DMD: variants seen among roughly 807,000 people sequenced by gnomAD.
DMD encodes the protein dystrophin, also known as mutant dystrophin.
In DMD, 63 loss-of-function variants were observed where a neutral mutation model predicts 330.1. That is an observed-to-expected ratio of 0.19 (90% confidence interval 0.16 to 0.24). The LOEUF is 0.24. Among genes scored for constraint, DMD ranks in the 10% least tolerant of loss-of-function variants. The pLI is 1.00. For synonymous variants in DMD, 1,223 were observed against 959.8 expected (o/e 1.27, Z -5.07); for missense variants, 3,344 against 2,684.1 (o/e 1.25, Z -5.43).
chrX:32,679,091 A>G, intron 9 of DMD, among the ~76,000 whole-genome samples: 1 of 112,011 alleles, frequency 8.9e-6, no homozygotes, highest in Non-Finnish European at 1.9e-5. Flanking sequence ...ACAAAAATAT[A>G]GGACAGTGCC....
intron 7 of DMD, among the ~76,000 whole-genome samples, chrX:32,708,211 T>C (rs2064858587): frequency 1.8e-5 from 2 of 111,323 alleles, no homozygotes; most frequent in Non-Finnish European, 3.8e-5. Context: ...ATATGCCTGA[T>C]GGTATAAGGG....
chrX:32,649,322 A>T (rs2059980543), intron 9 of DMD, among the ~76,000 whole-genome samples: 1 of 109,473 alleles, frequency 9.1e-6, no homozygotes. Context: ...TGGGAGGCTG[A>T]GGCAGGCGGA....
At chrX:32,674,761 G>A (rs1002768559) in intron 9 of DMD, among the ~76,000 whole-genome samples, 2 of 110,913 alleles carry the variant, frequency 1.8e-5, no homozygotes, top group Non-Finnish European at 3.8e-5. Flanking sequence ...GAGGGAAGCC[G>A]GTCTGTATGA....
chrX:31,268,009 G>A (rs1184374113), intron 62 of DMD, among the ~76,000 whole-genome samples: 2 of 111,212 alleles, frequency 1.8e-5, no homozygotes, highest in Non-Finnish European at 3.8e-5. Flanking sequence ...TCTCCTTTCC[G>A]ATTGATTCAT....
chrX:32,464,504 A>T (rs970604332), intron 24 of DMD, 82 bp downstream of exon 24: 6 of 763,571 alleles, frequency 7.9e-6, no homozygotes, highest in Non-Finnish European at 1.2e-5. Context: ...AGCAAAATCC[A>T]CCCCAGCTGT....
intron 9 of DMD, among the ~76,000 whole-genome samples, chrX:32,681,520 G>A (rs1013804602): frequency 9.0e-6 from 1 of 111,730 alleles, no homozygotes; most frequent in African/African-American, 3.3e-5. Context: ...GTAAAACTGT[G>A]CTGCAGCAGG....
chrX:31,336,489 C>T (rs1015730748), intron 61 of DMD, among the ~76,000 whole-genome samples: 3 of 112,182 alleles, frequency 2.7e-5, no homozygotes, highest in African/African-American at 9.7e-5. Context: ...CTCACAAATG[C>T]CTTCATTTTC....
intron 1 of DMD, among the ~76,000 whole-genome samples, chrX:33,167,916 T>C (rs1326501688): frequency 4.5e-5 from 5 of 111,294 alleles, no homozygotes; most frequent in Non-Finnish European, 7.6e-5. Flanking sequence ...TTTATAAAGA[T>C]TAAATGAGTT....
In DMD at chrX:31,453,765, C is replaced by CAAAAAAAAAAAAAA. The variant is rs760511403; in HGVS notation, c.8938-9152_8938-9139dup. Among the ~76,000 whole-genome samples, 81 of 8,973 alleles carry CAAAAAAAAAAAAAA rather than the reference C, an allele frequency of 9.0e-3. 5 individuals carry two copies. Among genetic ancestry groups the CAAAAAAAAAAAAAA allele is most frequent in the East Asian group, 0.023 (5 of 217 alleles). The allele number at this position is 8,973 out of a possible 115,157, so 7.8% of individuals were successfully genotyped here. On this transcript the variant is annotated intron_variant, in intron 59 of 78. Transcript: ENST00000357033. The stretch of plus-strand genomic sequence containing the variant: ...CTCCCCTTTATAGACAAAAAACAAG[C>CAAAAAAAAAAAAAA]AAAAAAAAAAAAAAAAAAAAAAAAA...
At chrX:32,398,110 G>C (rs2098058762) in intron 30 of DMD, among the ~76,000 whole-genome samples, 1 of 109,529 alleles carries the variant, frequency 9.1e-6, no homozygotes, top group Non-Finnish European at 1.9e-5. Context: ...AAAAGATTTG[G>C]GATGATATGT....
intron 1 of DMD, among the ~76,000 whole-genome samples, chrX:33,098,689 A>G (rs1450021329): frequency 8.9e-6 from 1 of 111,807 alleles, no homozygotes; most frequent in African/African-American, 3.3e-5. Context: ...TAACTCTCTC[A>G]GCAAGGTCAT....
rs762264176 is a variant in DMD, at chrX:31,848,935, T to C, written c.7099-12116A>G. Among the ~76,000 whole-genome samples the C allele has an allele frequency of 3.6e-5, 4 of 110,829 alleles. No homozygotes were observed. The South Asian group carries it at 1.1e-3, about 31-fold the overall frequency. ...AAGTAGCAAGTCAGAGGCAAATTAA[T>C]ATATATTTACATTTTCTAATAATTG... is the stretch of plus-strand genomic sequence containing the variant. On this transcript the variant is annotated intron_variant, in intron 48 of 78. Coordinates refer to ENST00000357033, the MANE Select transcript of DMD (RefSeq NM_004006.3).
intron 7 of DMD, among the ~76,000 whole-genome samples, chrX:32,740,582 A>G (rs1009842327): frequency 1.8e-5 from 2 of 111,730 alleles, no homozygotes; most frequent in African/African-American, 6.5e-5. Context: ...CTATATTATT[A>G]TTTAAGCATT....
intron 59 of DMD, among the ~76,000 whole-genome samples, chrX:31,470,495 T>C (rs770560369): frequency 1.8e-5 from 2 of 111,961 alleles, no homozygotes; most frequent in Non-Finnish European, 3.8e-5. Flanking sequence ...ACAGCAAAGA[T>C]TGCTGTCTGT....
chrX:32,766,052 T>C (rs1197158460), intron 7 of DMD, among the ~76,000 whole-genome samples: 1 of 112,036 alleles, frequency 8.9e-6, no homozygotes, highest in East Asian at 2.8e-4. Context: ...TCTATTGTTC[T>C]ACATTCCCTT....
At chrX:32,870,623 A>G (rs1036919935) in intron 2 of DMD, among the ~76,000 whole-genome samples, 1 of 111,088 alleles carries the variant, frequency 9.0e-6, no homozygotes, top group African/African-American at 3.3e-5. Context: ...TCACACATCT[A>G]ATACCCAACC....
chrX:32,463,561 TG>T lies in DMD; in HGVS notation c.3309del (p.Ser1104ValfsTer2). The T allele has an allele frequency of 8.4e-7, 1 of 1,190,002 alleles. No homozygotes were observed. The highest frequency in any genetic ancestry group is 1.1e-6 in the Non-Finnish European group (1 of 883,859). On this transcript the variant is annotated frameshift_variant, in exon 25 of 79. Transcript: ENST00000357033. LOFTEE classifies it high-confidence loss of function. The stretch of plus-strand genomic sequence containing the variant: ...CCACCTTCATTGACACTGTTTAGAC[TG>T]GGCTGAATTGTCTGAATATCACTGA... ...LLVSDIQTIQ[P>X]SLNSVNEGGQ...
chrX:32,255,440 A>C (rs1487308540), intron 43 of DMD, among the ~76,000 whole-genome samples: 1 of 80,154 alleles, frequency 1.2e-5, no homozygotes, highest in Non-Finnish European at 2.6e-5. Context: ...GCTTTTGCAA[A>C]AAAAAAAAAA....
chrX:32,390,358 G>A (rs2097993197), intron 30 of DMD, among the ~76,000 whole-genome samples, 177 bp from the exon 31 acceptor site: 1 of 111,432 alleles, frequency 9.0e-6, no homozygotes, highest in Non-Finnish European at 1.9e-5. Context: ...TTGGGAGGTC[G>A]AGGCAGGTGG....
Sources: allele counts gnomAD v4.1 joint callset (sites outside exome capture counted in the v4.1 genomes callset), GRCh38; gene constraint gnomAD v4.1.1; transcripts MANE v1.5; gene names NCBI Gene and HGNC (gene_info 2026-07-23, HGNC 2026-07-21).